AOPEP: variants seen among roughly 807,000 people sequenced by gnomAD.
AOPEP encodes aminopeptidase O (putative).
A neutral mutation model predicts 98.1 loss-of-function variants in AOPEP; 77 were observed. The ratio of observed to expected loss-of-function variants is 0.78; its 90% confidence interval spans 0.65 to 0.95. The LOEUF is 0.95. AOPEP is among the 40% of genes least tolerant of loss of function. The probability of loss-of-function intolerance (pLI) is 0.00; values close to 1 mark genes in which losing one functional copy is unlikely to be tolerated. For missense variants in AOPEP, 1,024 were observed against 1,024.7 expected, an observed-to-expected ratio of 1.00 and a Z score of 0.01; for synonymous variants, 346 against 365.3, an observed-to-expected ratio of 0.95 and a Z score of 0.60.
intron 5 of AOPEP, among the ~76,000 whole-genome samples, chr9:94,837,310 C>T (rs1339043908): frequency 4.6e-5 from 7 of 152,072 alleles, no homozygotes; most frequent in African/African-American, 9.7e-5. Context: ...GATTCACAGC[C>T]GAACTCTATC....
chr9:94,990,861 C>G (rs1399610446), intron 11 of AOPEP, among the ~76,000 whole-genome samples: 1 of 152,130 alleles, frequency 6.6e-6, no homozygotes, highest in East Asian at 1.9e-4. Flanking sequence ...CTCCTGACCT[C>G]AGGTGATCCT....
At chr9:94,851,929 G>T (rs780408097) in intron 5 of AOPEP, among the ~76,000 whole-genome samples, 40 of 151,794 alleles carry the variant, frequency 2.6e-4, no homozygotes, top group Non-Finnish European at 5.1e-4. Flanking sequence ...GTGCAGTCAA[G>T]TTGGGAAGAG....
the AOPEP span, chr9:95,123,630 A>C: frequency 6.6e-6 from 4 of 609,738 alleles, no homozygotes; most frequent in Non-Finnish European, 1.3e-5. Flanking sequence ...AAGGCTATTA[A>C]CAAATTCATC....
intron 5 of AOPEP, among the ~76,000 whole-genome samples, chr9:94,910,026 G>A (rs2136423055): frequency 6.6e-6 from 1 of 152,276 alleles, no homozygotes; most frequent in Non-Finnish European, 1.5e-5. Flanking sequence ...TCCCCAGACT[G>A]TCTCCCCCAT....
At chr9:95,089,638 G>T (rs894832879), downstream of AOPEP, among the ~76,000 whole-genome samples, 3 of 152,204 alleles carry the variant, frequency 2.0e-5, no homozygotes, top group Admixed American at 1.3e-4. Context: ...GACTTGAGAG[G>T]CCCCCCTGGG....
intron 5 of AOPEP, among the ~76,000 whole-genome samples, chr9:94,919,643 A>G (rs73657014): frequency 0.069 from 10,433 of 152,158 alleles, 1,217 homozygotes; most frequent in African/African-American, 0.24. Flanking sequence ...CTGATGAAGG[A>G]AAGAGAAGAC....
At chr9:95,110,307 A>G in the AOPEP span, 8 of 1,014,984 alleles carry the variant, frequency 7.9e-6, no homozygotes, top group South Asian at 3.7e-4. Flanking sequence ...ATGGAATTGA[A>G]CACATATCTA....
chr9:94,818,081 G>A (rs1237532407), intron 5 of AOPEP, among the ~76,000 whole-genome samples: 8 of 152,146 alleles, frequency 5.3e-5, no homozygotes, highest in Non-Finnish European at 1.0e-4. Context: ...CCAAGATGAT[G>A]GAGAGAGAGC....
intron 5 of AOPEP, among the ~76,000 whole-genome samples, chr9:94,908,299 A>C (rs1440816490): frequency 1.3e-5 from 2 of 152,116 alleles, no homozygotes; most frequent in African/African-American, 2.4e-5. Flanking sequence ...TGGCAGAGAG[A>C]GCTTTGGTCC....
the AOPEP span, among the ~76,000 whole-genome samples, chr9:95,127,676 T>A: frequency 6.6e-6 from 1 of 152,230 alleles, no homozygotes; most frequent in Non-Finnish European, 1.5e-5. Context: ...GCATTTGATA[T>A]GACTAGCTTT....
chr9:95,005,493 G>A lies in AOPEP; in HGVS notation c.2041-49G>A, dbSNP rs773217746. 8.4e-6 allele frequency: 13 copies of A among 1,542,914 alleles called. No homozygotes were observed. In the East Asian group the frequency reaches 2.7e-4, roughly 32 times the overall value. ...TGCTTTCTCGCGCTGGGGGATGGCC[G>A]TCAGGACCCTGTCGCCTTCTTTGAA... On this transcript the variant is annotated intron_variant, in intron 12 of 16. Coordinates refer to ENST00000375315, the MANE Select transcript of AOPEP (RefSeq NM_001193329.3).
At chr9:94,771,413 A>G (rs1021262378) in intron 2 of AOPEP, among the ~76,000 whole-genome samples, 1 of 152,056 alleles carries the variant, frequency 6.6e-6, no homozygotes, top group Non-Finnish European at 1.5e-5. Flanking sequence ...AGGTGTTTAG[A>G]CTTTCTGATC....
chr9:95,007,722 C>G (rs920807763), intron 13 of AOPEP, among the ~76,000 whole-genome samples: 3 of 152,160 alleles, frequency 2.0e-5, no homozygotes, highest in Non-Finnish European at 4.4e-5. Flanking sequence ...ACAGCACTTC[C>G]AAGCCCTTTT....
chr9:94,767,699 G>A (rs993157489), intron 2 of AOPEP, among the ~76,000 whole-genome samples: 1 of 152,204 alleles, frequency 6.6e-6, no homozygotes, highest in Non-Finnish European at 1.5e-5. Context: ...CAGCTTGCCT[G>A]TTTTGCACCC....
chr9:94,959,664 G>A (rs1159010219), intron 9 of AOPEP, among the ~76,000 whole-genome samples: 1 of 152,108 alleles, frequency 6.6e-6, no homozygotes, highest in African/African-American at 2.4e-5. Flanking sequence ...TACAAAGAAT[G>A]TGAAACATTA....
At chr9:95,093,661 C>A in the AOPEP span, among the ~76,000 whole-genome samples, 1 of 152,218 alleles carries the variant, frequency 6.6e-6, no homozygotes, top group Admixed American at 6.5e-5. Flanking sequence ...AAGTTGATTA[C>A]CGTCTCCACC....
At chr9:94,991,568 C>T (rs2060895165) in intron 11 of AOPEP, among the ~76,000 whole-genome samples, 1 of 152,208 alleles carries the variant, frequency 6.6e-6, no homozygotes, top group Admixed American at 6.5e-5. Context: ...TGGGTCCCAT[C>T]TTTGCCTTAG....
intron 1 of AOPEP, among the ~76,000 whole-genome samples, chr9:94,750,949 G>A (rs892251169): frequency 2.0e-5 from 3 of 151,858 alleles, no homozygotes; most frequent in South Asian, 2.1e-4. Flanking sequence ...AGGTTTCACC[G>A]TGTTAGCCAG....
At chr9:94,812,991 C>T (rs12347744) in intron 5 of AOPEP, among the ~76,000 whole-genome samples, 8,504 of 152,040 alleles carry the variant, frequency 0.056, 358 homozygotes, top group South Asian at 0.11. Flanking sequence ...CTCCATCCTG[C>T]CTTTGTTACA....
Sources: allele counts gnomAD v4.1 joint callset (sites outside exome capture counted in the v4.1 genomes callset), GRCh38; gene constraint gnomAD v4.1.1; transcripts MANE v1.5; gene names NCBI Gene and HGNC (gene_info 2026-07-23, HGNC 2026-07-21).